The following DAZAP1 variants were observed in gnomAD, a reference collection of about 807,000 sequenced individuals.
DAZAP1 encodes DAZ-associated protein 1.
In DAZAP1, 6 loss-of-function variants were observed where a neutral mutation model predicts 60.1. That is an observed-to-expected ratio of 0.10 (90% confidence interval 0.05 to 0.20). The LOEUF (loss-of-function observed/expected upper bound fraction) is 0.20, where lower values mean the gene tolerates loss of function less well. Ranked by LOEUF, DAZAP1 falls within the 10% of genes least tolerant of loss-of-function variation. The probability of loss-of-function intolerance (pLI) is 1.00; values close to 1 mark genes in which losing one functional copy is unlikely to be tolerated. For synonymous variants in DAZAP1, 235 were observed against 215.9 expected (o/e 1.09, Z -0.78); for missense variants, 366 against 560.4 (o/e 0.65, Z 3.50).
chr19:1,434,729 TC>T lies in DAZAP1; in HGVS notation c.1049-3del. The T allele has an allele frequency of 6.2e-7, 1 of 1,610,148 alleles. No homozygotes were observed. Among genetic ancestry groups the T allele is most frequent in the South Asian group, 1.1e-5 (1 of 90,938 alleles). On this transcript the variant is annotated splice_polypyrimidine_tract_variant and splice_region_variant and intron_variant, in intron 11 of 11. Coordinates refer to ENST00000233078, the MANE Select transcript of DAZAP1 (RefSeq NM_018959.4). The surrounding 1 kb of genome is among the most constrained non-coding windows in gnomAD (Gnocchi z 8.0). ...ACCGCCCCGAGCTCACAGGACTTTC[TC>T]CCCCAGCAGGTTACGGGCAGGACTT...
In DAZAP1 at chr19:1,418,882, T is replaced by C. The variant is rs575264878; in HGVS notation, c.303+151T>C. Reference sequence around the variant, plus strand: ...CTCGAGCAGCTGAGGATCACCCAGATTTATCAGTGCCGTGAGTGTTTTACA... The same window carrying C: ...CTCGAGCAGCTGAGGATCACCCAGACTTATCAGTGCCGTGAGTGTTTTACA... On this transcript the variant is annotated intron_variant, in intron 4 of 11. Transcript: ENST00000233078. The surrounding 1 kb of genome is among the most constrained non-coding windows in gnomAD (Gnocchi z 5.7). 140 of 733,354 alleles carry C rather than the reference T, an allele frequency of 1.9e-4. No homozygotes were observed. The highest frequency in any genetic ancestry group is 3.7e-4 in the Admixed American group (12 of 32,296). The allele number at this position is 733,354 out of a possible 1,614,324, so 45.4% of individuals were successfully genotyped here.
Position 1,428,573 on chromosome 19 carries a change from T to G in DAZAP1, c.547-269T>G. Reference sequence around the variant, plus strand: ...CACGAAACCCCCGAGGGCTCTGGGCTCGGTCCTGCTGCCCCGCAGTGGGCG... The same window carrying G: ...CACGAAACCCCCGAGGGCTCTGGGCGCGGTCCTGCTGCCCCGCAGTGGGCG... On this transcript the variant is annotated intron_variant, in intron 7 of 11. Transcript: ENST00000233078. The surrounding 1 kb of genome is among the most constrained non-coding windows in gnomAD (Gnocchi z 4.0). 2.5e-6 allele frequency: 1 copy of G among 399,770 alleles called. No individual in the cohort carries two copies. Among genetic ancestry groups the G allele is most frequent in the Non-Finnish European group, 4.5e-6 (1 of 223,300 alleles). 24.8% of individuals were successfully genotyped at this position (399,770 alleles called of 1,614,324 possible).
At chr19:1,408,644 G>T (rs1017757381) in intron 1 of DAZAP1, among the ~76,000 whole-genome samples, 6 of 152,214 alleles carry the variant, frequency 3.9e-5, no homozygotes, top group African/African-American at 9.6e-5. Flanking sequence ...CTCCCCGCCG[G>T]GGGTGGGCTT....
chr19:1,411,199 T>C (rs1189517075), intron 1 of DAZAP1, among the ~76,000 whole-genome samples: 1 of 152,202 alleles, frequency 6.6e-6, no homozygotes, highest in Non-Finnish European at 1.5e-5. Flanking sequence ...TTTCTGGGGC[T>C]CTCTTGGTGC....
chr19:1,411,089 C>T (rs1341890777), intron 1 of DAZAP1, among the ~76,000 whole-genome samples: 1 of 152,220 alleles, frequency 6.6e-6, no homozygotes, highest in Admixed American at 6.5e-5. Context: ...GAGCACAAGG[C>T]ACCTGGCAAG....
chr19:1,424,584 T>C (rs1300800965), intron 6 of DAZAP1, among the ~76,000 whole-genome samples: 1 of 151,748 alleles, frequency 6.6e-6, no homozygotes, highest in Non-Finnish European at 1.5e-5. Context: ...TCTCTTCAGC[T>C]TGAGAGGCCC....
rs1217672002 is a variant in DAZAP1, at chr19:1,426,160, ATC to A, written c.546+205_546+206del. Among the ~76,000 whole-genome samples, 2 of 151,942 alleles carry A rather than the reference ATC, an allele frequency of 1.3e-5. No homozygotes were observed. Among genetic ancestry groups the A allele is most frequent in the African/African-American group, 4.8e-5 (2 of 41,340 alleles). ...CCAGCACCCTTCCTGCGGGGTGGGGATCTCTCAGCTTTGCTCCTGGAGCCCCT... is the reference window on the plus strand; with the variant it reads ...CCAGCACCCTTCCTGCGGGGTGGGGATCTCAGCTTTGCTCCTGGAGCCCCT... On this transcript the variant is annotated intron_variant, in intron 7 of 11. Coordinates refer to ENST00000233078, the MANE Select transcript of DAZAP1 (RefSeq NM_018959.4). The surrounding 1 kb of genome is among the most constrained non-coding windows in gnomAD (Gnocchi z 5.4).
chr19:1,430,678 C>A (rs922038685), intron 10 of DAZAP1, among the ~76,000 whole-genome samples: 1 of 151,644 alleles, frequency 6.6e-6, no homozygotes, highest in Admixed American at 6.6e-5. Context: ...CCTCATACTT[C>A]AGGATTAGGG....
At position 1,432,347 on chromosome 19, in the gene DAZAP1, C is replaced by T. The variant is rs931274048; in HGVS notation, c.872-167C>T. 2.2e-5 allele frequency: 16 copies of T among 721,654 alleles called. No homozygotes were observed. Among genetic ancestry groups the T allele is most frequent in the East Asian group, 2.5e-5 (1 of 40,094 alleles). The allele number at this position is 721,654 out of a possible 1,614,324, so 44.7% of individuals were successfully genotyped here. A position where few individuals can be genotyped will look rare whatever the true frequency, so the allele number is the denominator to read the frequency against. ...TTTCCTGGGGGGAGCGGCCCGGGAC[C>T]GTGGCTCTGTGGTCCATTCTGTGGA... On this transcript the variant is annotated intron_variant, in intron 10 of 11. Coordinates refer to ENST00000233078, the MANE Select transcript of DAZAP1 (RefSeq NM_018959.4). This position sits in a 1 kb window ranked among gnomAD's most constrained non-coding sequence, Gnocchi z 4.9.
Position 1,418,384 on chromosome 19 carries a change from C to A in DAZAP1, c.237+14C>A. On this transcript the variant is annotated intron_variant, in intron 3 of 11. Transcript: ENST00000233078. The surrounding 1 kb of genome is among the most constrained non-coding windows in gnomAD (Gnocchi z 5.7). ...GATGGCCGAAACGTAAGTGCCCTTC[C>A]GGGAGCTCACACCCGCTCTCTGTCT... 6.2e-7 allele frequency: 1 copy of A among 1,609,678 alleles called. No homozygotes were observed. Among genetic ancestry groups the A allele is most frequent in the South Asian group, 1.1e-5 (1 of 90,926 alleles).
rs767980849 is a variant in DAZAP1, at chr19:1,432,754, C to T, written c.1048+64C>T. 6.0e-6 allele frequency: 9 copies of T among 1,496,480 alleles called. No individual in the cohort carries two copies. Among genetic ancestry groups the T allele is most frequent in the Admixed American group, 4.2e-5 (2 of 47,996 alleles). 92.7% of individuals were successfully genotyped at this position (1,496,480 alleles called of 1,614,324 possible). On this transcript the variant is annotated intron_variant, in intron 11 of 11. Coordinates refer to ENST00000233078, the MANE Select transcript of DAZAP1 (RefSeq NM_018959.4). This position sits in a 1 kb window ranked among gnomAD's most constrained non-coding sequence, Gnocchi z 4.9. ...CAGGACCCTGGGCACGGCCTGCCTTCTTCTGCTTCCTCCCCTGCTGGACGC... is the reference window on the plus strand; with the variant it reads ...CAGGACCCTGGGCACGGCCTGCCTTTTTCTGCTTCCTCCCCTGCTGGACGC...
Position 1,426,212 on chromosome 19 carries a change from C to T in DAZAP1, c.546+252C>T, listed in dbSNP as rs549540976. The T allele has an allele frequency of 8.4e-4, 359 of 429,520 alleles. 1 individual carries two copies. Among genetic ancestry groups the T allele is most frequent in the Admixed American group, 1.9e-3 (52 of 26,930 alleles). 26.6% of individuals were successfully genotyped at this position (429,520 alleles called of 1,614,324 possible). A position where few individuals can be genotyped will look rare whatever the true frequency, so the allele number is the denominator to read the frequency against. On this transcript the variant is annotated intron_variant, in intron 7 of 11. Coordinates refer to ENST00000233078, the MANE Select transcript of DAZAP1 (RefSeq NM_018959.4). The surrounding 1 kb of genome is among the most constrained non-coding windows in gnomAD (Gnocchi z 5.4). ...TCCCTCTGGGTGACCTGGGACTGGG[C>T]GGGTAGGGGGCTGGGGCTGGGAGGC...
At position 1,432,997 on chromosome 19, in the gene DAZAP1, C is replaced by G. The variant is rs2083492926; in HGVS notation, c.1048+307C>G. Reference sequence around the variant, plus strand: ...AGTGAGTCGCAGGCAGCTGTGATCACTGTCTAGAGGTTCAGGCCCTCGGTG... The same window carrying G: ...AGTGAGTCGCAGGCAGCTGTGATCAGTGTCTAGAGGTTCAGGCCCTCGGTG... On this transcript the variant is annotated intron_variant, in intron 11 of 11. Transcript: ENST00000233078. This position sits in a 1 kb window ranked among gnomAD's most constrained non-coding sequence, Gnocchi z 4.9. 2.7e-6 allele frequency: 1 copy of G among 376,968 alleles called. No homozygotes were observed. The highest frequency in any genetic ancestry group is 2.1e-5 in the African/African-American group (1 of 47,768). The allele number at this position is 376,968 out of a possible 1,614,324, so 23.4% of individuals were successfully genotyped here. A position where few individuals can be genotyped will look rare whatever the true frequency, so the allele number is the denominator to read the frequency against.
intron 4 of DAZAP1, among the ~76,000 whole-genome samples, chr19:1,420,504 G>A (rs993773981): frequency 6.6e-6 from 1 of 151,752 alleles, no homozygotes; most frequent in African/African-American, 2.4e-5. Flanking sequence ...AAAAAGGATG[G>A]TTGGTGGGTG....
chr19:1,421,341 C>G (rs959008898), intron 5 of DAZAP1, 83 bp downstream of exon 5: 429 of 1,242,630 alleles, frequency 3.5e-4, no homozygotes, highest in Admixed American at 1.8e-3. Flanking sequence ...CTGGAGTGGC[C>G]GAGCCACAGG....
chr19:1,432,855 C>A lies in DAZAP1; in HGVS notation c.1048+165C>A. Reference sequence around the variant, plus strand: ...GGGGGTTGTTGGAGAGATCTCGTGGCAACTCGGGTCCAGCAGAAGGGAGCG... The same window carrying A: ...GGGGGTTGTTGGAGAGATCTCGTGGAAACTCGGGTCCAGCAGAAGGGAGCG... On this transcript the variant is annotated intron_variant, in intron 11 of 11. Coordinates refer to ENST00000233078, the MANE Select transcript of DAZAP1 (RefSeq NM_018959.4). This position sits in a 1 kb window ranked among gnomAD's most constrained non-coding sequence, Gnocchi z 4.9. The A allele has an allele frequency of 1.4e-6, 1 of 728,804 alleles. No homozygotes were observed. Among genetic ancestry groups the A allele is most frequent in the Non-Finnish European group, 2.2e-6 (1 of 454,020 alleles). 45.1% of individuals were successfully genotyped at this position (728,804 alleles called of 1,614,324 possible).
rs1168528882 is a variant in DAZAP1 at position 1,422,840 on chromosome 19, C to A, written c.463+444C>A. Among the ~76,000 whole-genome samples, 1 of 128,190 alleles carries A rather than the reference C, an allele frequency of 7.8e-6. No individual in the cohort carries two copies. The highest frequency in any genetic ancestry group is 1.5e-5 in the Non-Finnish European group (1 of 66,976). 84.1% of individuals were successfully genotyped at this position (128,190 alleles called of 152,430 possible). A position where few individuals can be genotyped will look rare whatever the true frequency, so the allele number is the denominator to read the frequency against. On this transcript the variant is annotated intron_variant, in intron 6 of 11. Coordinates refer to ENST00000233078, the MANE Select transcript of DAZAP1 (RefSeq NM_018959.4). The surrounding 1 kb of genome is among the most constrained non-coding windows in gnomAD (Gnocchi z 4.5). ...TTTTTTTTTCTTTCTTTCTTTTTTCCTTTTCTTTTCTTTTTCTTTTTTTTC... is the reference window on the plus strand; with the variant it reads ...TTTTTTTTTCTTTCTTTCTTTTTTCATTTTCTTTTCTTTTTCTTTTTTTTC...
Position 1,434,164 on chromosome 19 carries a change from A to T in DAZAP1, c.1049-573A>T, listed in dbSNP as rs2083532373. On this transcript the variant is annotated intron_variant, in intron 11 of 11. Coordinates refer to ENST00000233078, the MANE Select transcript of DAZAP1 (RefSeq NM_018959.4). This position sits in a 1 kb window ranked among gnomAD's most constrained non-coding sequence, Gnocchi z 8.0. ...TCCTGAGGTCGGCTGTGTGGGCCGG[A>T]CGGGCTGCAGGGTGTGCTGGCCCCT... 1 of 289,898 alleles carries T rather than the reference A, an allele frequency of 3.4e-6. No individual in the cohort carries two copies. The highest frequency in any genetic ancestry group is 8.1e-5 in the East Asian group (1 of 12,312). 18.0% of individuals were successfully genotyped at this position (289,898 alleles called of 1,614,324 possible).
intron 1 of DAZAP1, among the ~76,000 whole-genome samples, chr19:1,413,988 ACT>A (rs1491501559): frequency 2.1e-5 from 2 of 95,800 alleles, no homozygotes; most frequent in Non-Finnish European, 2.1e-5. Flanking sequence ...CCCCCAGTGA[ACT>A]GTGTGTGTGT....
Sources: gnomAD v4.1 joint callset for allele counts (sites outside exome capture counted in the v4.1 genomes callset) on GRCh38, gnomAD v4.1.1 for gene constraint, Gnocchi (gnomAD v3.1) non-coding constraint, MANE v1.5 for transcripts, NCBI Gene and HGNC (gene_info 2026-07-23, HGNC 2026-07-21) for gene names.